The following MYO16 variants were observed in gnomAD, a reference collection of about 807,000 sequenced individuals.
MYO16 encodes myosin XVI, also known as unconventional myosin-XVI.
A neutral mutation model predicts 205.3 loss-of-function variants in MYO16; 94 were observed. That is an observed-to-expected ratio of 0.46 (90% confidence interval 0.39 to 0.54). The LOEUF (loss-of-function observed/expected upper bound fraction) is 0.54, where lower values mean the gene tolerates loss of function less well. Ranked by LOEUF, MYO16 falls within the 20% of genes least tolerant of loss-of-function variation. The pLI is 0.00. For synonymous variants in MYO16, 988 were observed against 954.0 expected, an observed-to-expected ratio of 1.04 and a Z score of -0.66; for missense variants, 2,315 against 2,387.5, an observed-to-expected ratio of 0.97 and a Z score of 0.63.
chr13:109,108,671 A>G (rs1176666316), intron 28 of MYO16, among the ~76,000 whole-genome samples: 1 of 152,220 alleles, frequency 6.6e-6, no homozygotes, highest in Non-Finnish European at 1.5e-5. Flanking sequence ...GTTAGGATCC[A>G]GGTGCAAAGA....
intron 3 of MYO16, among the ~76,000 whole-genome samples, chr13:108,723,507 A>G (rs1884236297): frequency 6.6e-6 from 1 of 152,124 alleles, no homozygotes; most frequent in Admixed American, 6.6e-5. Flanking sequence ...TTTATATAGG[A>G]CAAAATATAG....
intron 11 of MYO16, among the ~76,000 whole-genome samples, chr13:108,860,551 G>C (rs1235754023): frequency 6.6e-6 from 1 of 152,150 alleles, no homozygotes; most frequent in African/African-American, 2.4e-5. Context: ...GGGTTGAATA[G>C]TAATTCTGCT....
intron 27 of MYO16, among the ~76,000 whole-genome samples, chr13:109,099,022 T>G (rs1305666068): frequency 6.6e-6 from 1 of 152,198 alleles, no homozygotes; most frequent in Admixed American, 6.5e-5. Context: ...ACTTCTCATG[T>G]AGTTGTAAGA....
At chr13:109,065,648 A>T (rs1887724599) in intron 27 of MYO16, 6 of 430,506 alleles carry the variant, frequency 1.4e-5, no homozygotes, top group South Asian at 1.1e-4. Flanking sequence ...TGCTTGTGGA[A>T]TTCTCATCCA....
intron 22 of MYO16, among the ~76,000 whole-genome samples, chr13:109,013,110 CCCCA>C (rs1283644818): frequency 7.7e-4 from 26 of 33,722 alleles, no homozygotes; most frequent in African/African-American, 1.3e-3. Flanking sequence ...GCTACCCCTC[CCCCA>C]CCCCCCCCCA....
intron 21 of MYO16, among the ~76,000 whole-genome samples, chr13:109,005,097 A>G (rs9555538): frequency 0.14 from 21,709 of 152,136 alleles, 1,627 homozygotes; most frequent in East Asian, 0.2. Context: ...ATGTACAAGG[A>G]AGAAAATCCA....
chr13:109,137,989 G>T (rs1465715578), intron 31 of MYO16, among the ~76,000 whole-genome samples: 1 of 152,058 alleles, frequency 6.6e-6, no homozygotes, highest in African/African-American at 2.4e-5. Flanking sequence ...CTTTTTTGTT[G>T]TTGTATGACT....
chr13:109,123,110 G>A (rs157020), intron 29 of MYO16, among the ~76,000 whole-genome samples: 19,599 of 152,212 alleles, frequency 0.13, 1,401 homozygotes, highest in Middle Eastern at 0.19. Context: ...CTTAGAAGCA[G>A]TCTTCTGAAT....
At chr13:108,959,916 A>C (rs971883557) in intron 17 of MYO16, among the ~76,000 whole-genome samples, 2 of 151,528 alleles carry the variant, frequency 1.3e-5, no homozygotes, top group Admixed American at 6.6e-5. Flanking sequence ...TCGGCTGTCT[A>C]TCCAGAGGTG....
At position 108,774,941 on chromosome 13, in the gene MYO16, G is replaced by A. The variant is rs1012976250; in HGVS notation, c.508-10694G>A. On this transcript the variant is annotated intron_variant, in intron 4 of 34. Coordinates refer to ENST00000457511, the MANE Select transcript of MYO16 (RefSeq NM_001198950.3). Reference sequence around the variant, plus strand: ...TTCTTATAAAGTACAGCATTCAGTCGTTTAAAAATATTACTTAAGATTTAG... The same window carrying A: ...TTCTTATAAAGTACAGCATTCAGTCATTTAAAAATATTACTTAAGATTTAG... Among the ~76,000 whole-genome samples, 14 of 152,036 alleles carry A rather than the reference G, an allele frequency of 9.2e-5. No individual in the cohort carries two copies. In the South Asian group the frequency reaches 1.4e-3, roughly 16 times the overall value.
At chr13:108,610,546 T>C (rs1879135071) in intron 1 of MYO16, among the ~76,000 whole-genome samples, 1 of 152,192 alleles carries the variant, frequency 6.6e-6, no homozygotes, top group African/African-American at 2.4e-5. Flanking sequence ...TAGAGCACAG[T>C]GCTACTCTAA....
intron 27 of MYO16, among the ~76,000 whole-genome samples, chr13:109,081,505 G>T (rs1888279942): frequency 6.6e-6 from 1 of 152,108 alleles, no homozygotes; most frequent in Admixed American, 6.5e-5. Context: ...CTGTGGTGGG[G>T]GTCAGCAGAG....
intron 4 of MYO16, among the ~76,000 whole-genome samples, chr13:108,747,260 A>T (rs542314407): frequency 1.9e-4 from 29 of 152,218 alleles, no homozygotes; most frequent in African/African-American, 7.0e-4. Context: ...GACAAAATTA[A>T]CTCCACATGA....
chr13:108,957,396 A>AAAAAAC (rs1883405195), intron 16 of MYO16, among the ~76,000 whole-genome samples: 1 of 150,956 alleles, frequency 6.6e-6, no homozygotes, highest in African/African-American at 2.4e-5. Context: ...AAAAAAAAAA[A>AAAAAAC]AAAAACAAAA....
At chr13:109,176,761 C>A (rs1189287909) in intron 33 of MYO16, among the ~76,000 whole-genome samples, 9 of 150,818 alleles carry the variant, frequency 6.0e-5, no homozygotes, top group Admixed American at 5.9e-4. Flanking sequence ...GCTTGTCCCA[C>A]CCCCTCCTCC....
At chr13:108,781,395 G>A (rs1886297577) in intron 4 of MYO16, among the ~76,000 whole-genome samples, 1 of 152,316 alleles carries the variant, frequency 6.6e-6, no homozygotes, top group South Asian at 2.1e-4. Flanking sequence ...GGGAGGTGGG[G>A]TGGCATAGGT....
At position 108,896,508 on chromosome 13, in the gene MYO16, T is replaced by C. The variant is rs113680964; in HGVS notation, c.1660-1508T>C. The stretch of plus-strand genomic sequence containing the variant: ...AATTAATATATGTTTGTCTCCAAAA[T>C]TCAAACTTCAAACACAGAAGTTTTA... On this transcript the variant is annotated intron_variant, in intron 14 of 34. Transcript: ENST00000457511. Among the ~76,000 whole-genome samples, 575 of 152,300 alleles carry C rather than the reference T, an allele frequency of 3.8e-3. 2 individuals are homozygous for C. The highest frequency in any genetic ancestry group is 5.1e-3 in the Non-Finnish European group (349 of 68,024).
chr13:108,864,815 G>A (rs1878623268), intron 11 of MYO16, among the ~76,000 whole-genome samples: 1 of 152,036 alleles, frequency 6.6e-6, no homozygotes, highest in Non-Finnish European at 1.5e-5. Flanking sequence ...TGGGATTATA[G>A]GCCTGAGCCA....
chr13:108,794,209 A>C (rs1594299026), intron 6 of MYO16, among the ~76,000 whole-genome samples: 2 of 151,930 alleles, frequency 1.3e-5, no homozygotes, highest in South Asian at 2.1e-4. Flanking sequence ...AGAATGACAA[A>C]CCCCTAAGGG....
Sources: gnomAD v4.1 joint callset for allele counts (sites outside exome capture counted in the v4.1 genomes callset) on GRCh38, gnomAD v4.1.1 for gene constraint, MANE v1.5 for transcripts, NCBI Gene and HGNC (gene_info 2026-07-23, HGNC 2026-07-21) for gene names.